AGAP1: variants seen among roughly 807,000 people sequenced by gnomAD.
AGAP1 encodes the protein ArfGAP with GTPase domain, ankyrin repeat and PH domain 1.
A neutral mutation model predicts 105.3 loss-of-function variants in AGAP1; 29 were observed. The observed-to-expected ratio is 0.28, with a 90% confidence interval of 0.21 to 0.38. The LOEUF (loss-of-function observed/expected upper bound fraction) is 0.38. Ranked by LOEUF, AGAP1 falls within the 10% of genes least tolerant of loss-of-function variation. The pLI is 1.00. For synonymous variants in AGAP1, 509 were observed against 485.9 expected, an observed-to-expected ratio of 1.05 and a Z score of -0.63; for missense variants, 998 against 1,165.1, an observed-to-expected ratio of 0.86 and a Z score of 2.09.
intron 1 of AGAP1, among the ~76,000 whole-genome samples, chr2:235,530,619 T>C (rs116276263): frequency 6.6e-6 from 1 of 152,188 alleles, no homozygotes; most frequent in Admixed American, 6.5e-5. Flanking sequence ...GTGTAGCATC[T>C]TCCGATCTCT....
intron 1 of AGAP1, among the ~76,000 whole-genome samples, chr2:235,613,158 G>A (rs945857839): frequency 1.3e-5 from 2 of 151,814 alleles, no homozygotes; most frequent in African/African-American, 4.8e-5. Flanking sequence ...ACCATGCCCA[G>A]CTAATTTTTG....
At chr2:235,746,308 A>G (rs13403859) in intron 5 of AGAP1, among the ~76,000 whole-genome samples, 3,110 of 145,952 alleles carry the variant, frequency 0.021, 99 homozygotes, top group African/African-American at 0.069. Flanking sequence ...AAACAAAACT[A>G]TAAGTATCTT....
chr2:235,950,146 T>C (rs1429171719), intron 12 of AGAP1, among the ~76,000 whole-genome samples: 1 of 151,828 alleles, frequency 6.6e-6, no homozygotes, highest in Non-Finnish European at 1.5e-5. Context: ...ATGGGGTGAG[T>C]GTAAAAGTCT....
rs2059088096 is a variant in AGAP1 at position 235,982,029 on chromosome 2, A to C, written c.1645+13406A>C. Among the ~76,000 whole-genome samples the C allele has an allele frequency of 6.6e-6, 1 of 152,230 alleles. No individual in the cohort carries two copies. Among genetic ancestry groups the C allele is most frequent in the African/African-American group, 2.4e-5 (1 of 41,456 alleles). Reference sequence around the variant, plus strand: ...TAATAAGTTAATATTCCAACCATAAAAACTTCTGACATTTTACCCGAGGCT... The same window carrying C: ...TAATAAGTTAATATTCCAACCATAACAACTTCTGACATTTTACCCGAGGCT... On this transcript the variant is annotated intron_variant, in intron 13 of 17. Coordinates refer to ENST00000304032, the MANE Select transcript of AGAP1 (RefSeq NM_001037131.3). This position sits in a 1 kb window ranked among gnomAD's most constrained non-coding sequence, Gnocchi z 4.9.
At chr2:235,531,077 G>A (rs1299291278) in intron 1 of AGAP1, among the ~76,000 whole-genome samples, 1 of 152,272 alleles carries the variant, frequency 6.6e-6, no homozygotes, top group African/African-American at 2.4e-5. Context: ...AAAGATTTAG[G>A]GTATTTGGCA....
At chr2:235,761,388 T>C (rs1954425199) in intron 6 of AGAP1, among the ~76,000 whole-genome samples, 2 of 152,298 alleles carry the variant, frequency 1.3e-5, no homozygotes, top group African/African-American at 4.8e-5. Flanking sequence ...TATTAGTAAA[T>C]GTTCTCTATT....
chr2:235,899,030 A>G (rs1178183953), intron 10 of AGAP1, among the ~76,000 whole-genome samples: 3 of 152,202 alleles, frequency 2.0e-5, no homozygotes, highest in South Asian at 2.1e-4. Flanking sequence ...TGCATGGGAA[A>G]AATACGTATA....
chr2:235,595,693 T>C (rs904277115), intron 1 of AGAP1, among the ~76,000 whole-genome samples: 2 of 152,158 alleles, frequency 1.3e-5, no homozygotes, highest in Admixed American at 1.3e-4. Context: ...TAAAGCGTGC[T>C]CACTAATAAA....
intron 13 of AGAP1, among the ~76,000 whole-genome samples, chr2:236,024,147 C>T (rs1174234127): frequency 1.3e-5 from 2 of 151,520 alleles, no homozygotes; most frequent in African/African-American, 4.9e-5. Flanking sequence ...TCTCCTGCCT[C>T]AGCCTCCCAA....
chr2:236,100,996 C>T (rs2059332693), intron 16 of AGAP1, among the ~76,000 whole-genome samples: 1 of 152,176 alleles, frequency 6.6e-6, no homozygotes, highest in Non-Finnish European at 1.5e-5. Context: ...GGCAACCCCA[C>T]TGCAAAGAAT....
chr2:235,743,394 G>A (rs957447641), intron 4 of AGAP1, among the ~76,000 whole-genome samples: 1 of 152,120 alleles, frequency 6.6e-6, no homozygotes, highest in Non-Finnish European at 1.5e-5. Flanking sequence ...CTTTATGGGC[G>A]CAGTGGGAGT....
chr2:236,051,994 G>T lies in AGAP1; in HGVS notation c.2114+2713G>T, dbSNP rs2057914284. ...AATCTCCGCAAGCCGGTCTGTCCAT[G>T]ACGTGAGAAGATTCTGCCTTTCGAA... On this transcript the variant is annotated intron_variant, in intron 16 of 17. Coordinates refer to ENST00000304032, the MANE Select transcript of AGAP1 (RefSeq NM_001037131.3). This position sits in a 1 kb window ranked among gnomAD's most constrained non-coding sequence, Gnocchi z 5.9. Among the ~76,000 whole-genome samples, 2 of 152,154 alleles carry T rather than the reference G, an allele frequency of 1.3e-5. No individual in the cohort carries two copies. Among genetic ancestry groups the T allele is most frequent in the Non-Finnish European group, 2.9e-5 (2 of 68,030 alleles).
At position 235,961,172 on chromosome 2, in the gene AGAP1, A is replaced by G. The variant is rs1046219411; in HGVS notation, c.1484-7290A>G. Among the ~76,000 whole-genome samples the G allele has an allele frequency of 6.6e-6, 1 of 152,238 alleles. No individual in the cohort carries two copies. Among genetic ancestry groups the G allele is most frequent in the Non-Finnish European group, 1.5e-5 (1 of 68,044 alleles). ...GTAAACAAAGAAACACGCATGGAGC[A>G]TGTCATGTCCCCATGTGGAGAGAGC... On this transcript the variant is annotated intron_variant, in intron 12 of 17. Coordinates refer to ENST00000304032, the MANE Select transcript of AGAP1 (RefSeq NM_001037131.3). The surrounding 1 kb of genome is among the most constrained non-coding windows in gnomAD (Gnocchi z 5.9).
intron 13 of AGAP1, among the ~76,000 whole-genome samples, chr2:235,991,976 C>T (rs2055583349): frequency 6.6e-6 from 1 of 152,238 alleles, no homozygotes; most frequent in African/African-American, 2.4e-5. Flanking sequence ...AAAACTGAAA[C>T]ATCCAGCCTC....
rs529536426 is a variant in AGAP1, at chr2:235,737,828, G to A, written c.311-3135G>A. 1.2e-4 allele frequency among the ~76,000 whole-genome samples: 19 copies of A among 152,222 alleles called. No homozygotes were observed. In the East Asian group the frequency reaches 2.7e-3, roughly 22 times the overall value. ...CCACTCCTCCCTTCTTGCTCTGGAG[G>A]TGACACAGTCTAGGGATCTAGTGAG... On this transcript the variant is annotated intron_variant, in intron 3 of 17. Coordinates refer to ENST00000304032, the MANE Select transcript of AGAP1 (RefSeq NM_001037131.3). This position sits in a 1 kb window ranked among gnomAD's most constrained non-coding sequence, Gnocchi z 4.5.
intron 6 of AGAP1, among the ~76,000 whole-genome samples, chr2:235,768,645 G>A (rs1955170181): frequency 6.6e-6 from 1 of 152,242 alleles, no homozygotes; most frequent in Admixed American, 6.5e-5. Context: ...TTCAGGTGTT[G>A]CAGTCGAATC....
At chr2:235,911,604 C>T (rs2051619811) in intron 11 of AGAP1, among the ~76,000 whole-genome samples, 1 of 152,182 alleles carries the variant, frequency 6.6e-6, no homozygotes, top group East Asian at 1.9e-4. Context: ...AATACAAAGG[C>T]CCTATAAACC....
intron 1 of AGAP1, among the ~76,000 whole-genome samples, chr2:235,706,999 A>G (rs1017115886): frequency 9.9e-5 from 15 of 152,256 alleles, no homozygotes; most frequent in African/African-American, 3.6e-4. Flanking sequence ...TGTCAGGCCC[A>G]CGCTAGTGCG....
At chr2:236,103,567 T>A (rs1453813335) in intron 16 of AGAP1, among the ~76,000 whole-genome samples, 1 of 152,086 alleles carries the variant, frequency 6.6e-6, no homozygotes, top group Non-Finnish European at 1.5e-5. Flanking sequence ...TTTCTTTCTT[T>A]TCTTCTTTTT....
Sources: gnomAD v4.1 joint callset for allele counts (sites outside exome capture counted in the v4.1 genomes callset) on GRCh38, gnomAD v4.1.1 for gene constraint, Gnocchi (gnomAD v3.1) non-coding constraint, MANE v1.5 for transcripts, NCBI Gene and HGNC (gene_info 2026-07-23, HGNC 2026-07-21) for gene names.